Variants in CPA6 observed in about 807,000 individuals in gnomAD.
CPA6 encodes the protein carboxypeptidase A6, also known as carboxypeptidase B.
Under a neutral mutation model 63.3 loss-of-function variants are expected in CPA6, and 58 were observed. The ratio of observed to expected loss-of-function variants is 0.92; its 90% CI spans 0.74 to 1.14. The LOEUF is 1.14. Ranked by LOEUF, CPA6 falls within the 50% of genes most tolerant of loss-of-function variation. The pLI, the probability that CPA6 is intolerant of heterozygous loss-of-function variation, is 0.00. For missense variants in CPA6, 565 were observed against 526.6 expected (o/e 1.07, Z -0.71); for synonymous variants, 185 against 179.0 (o/e 1.03, Z -0.27).
At chr8:67,470,264 A>G (rs2128958817) in intron 8 of CPA6, among the ~76,000 whole-genome samples, 1 of 152,140 alleles carries the variant, frequency 6.6e-6, no homozygotes, top group Admixed American at 6.5e-5. Flanking sequence ...TCCTGACCTC[A>G]TGTGATCCAC....
intron 2 of CPA6, among the ~76,000 whole-genome samples, chr8:67,545,579 T>TG (rs1446497357): frequency 1.5e-5 from 2 of 133,080 alleles, no homozygotes; most frequent in African/African-American, 2.5e-5. Flanking sequence ...TTTTTTTTTT[T>TG]TTTTTGAGAT....
At chr8:67,477,683 T>A (rs1289230497) in intron 8 of CPA6, among the ~76,000 whole-genome samples, 1 of 152,166 alleles carries the variant, frequency 6.6e-6, no homozygotes, top group African/African-American at 2.4e-5. Flanking sequence ...TTAGTTGATG[T>A]TTAGTACGCA....
rs377215949 is a variant in CPA6, at chr8:67,422,455, T to A, written c.*49A>T. ...AAAACAATTTCTATCCAGGGCCAAGTAGGCCTTGCTCAGAATCCTATGGCA... is the reference window on the plus strand; with the variant it reads ...AAAACAATTTCTATCCAGGGCCAAGAAGGCCTTGCTCAGAATCCTATGGCA... On this transcript the variant is annotated 3_prime_UTR_variant, in exon 11 of 11. Coordinates refer to ENST00000297770, the MANE Select transcript of CPA6 (RefSeq NM_020361.5). 6 of 1,519,782 alleles carry A rather than the reference T, an allele frequency of 3.9e-6. No individual in the cohort carries two copies. The Admixed American group carries it at 7.3e-5, about 18-fold the overall frequency. 94.1% of individuals were successfully genotyped at this position (1,519,782 alleles called of 1,614,324 possible). A position where few individuals can be genotyped will look rare whatever the true frequency, so the allele number is the denominator to read the frequency against.
At chr8:67,498,876 C>A (rs547271605) in intron 6 of CPA6, among the ~76,000 whole-genome samples, 1 of 152,146 alleles carries the variant, frequency 6.6e-6, no homozygotes, top group South Asian at 2.1e-4. Flanking sequence ...GTAGCATGTA[C>A]TGCAAACAGA....
intron 6 of CPA6, among the ~76,000 whole-genome samples, chr8:67,493,608 C>T (rs146893714): frequency 8.0e-4 from 122 of 152,282 alleles, no homozygotes; most frequent in African/African-American, 2.8e-3. Context: ...GATGTTGGCA[C>T]TAGGACTAGC....
chr8:67,729,179 TG>T (rs1817659877), intron 1 of CPA6, among the ~76,000 whole-genome samples: 1 of 152,188 alleles, frequency 6.6e-6, no homozygotes, highest in African/African-American at 2.4e-5. Context: ...CAGCTGAATC[TG>T]CATTGTCAAT....
intron 1 of CPA6, among the ~76,000 whole-genome samples, chr8:67,732,088 C>G (rs1342505447): frequency 6.6e-6 from 1 of 152,144 alleles, no homozygotes; most frequent in Admixed American, 6.5e-5. Context: ...AAGCAGAATG[C>G]CGGTCCAGTC....
chr8:67,443,209 C>T (rs1157834753), intron 8 of CPA6, among the ~76,000 whole-genome samples: 1 of 151,964 alleles, frequency 6.6e-6, no homozygotes, highest in Non-Finnish European at 1.5e-5. Flanking sequence ...ATTAGGTGCG[C>T]ACCACCATGC....
At chr8:67,494,262 A>G (rs1361466155) in intron 6 of CPA6, among the ~76,000 whole-genome samples, 1 of 152,064 alleles carries the variant, frequency 6.6e-6, no homozygotes, top group African/African-American at 2.4e-5. Context: ...ATTAAATACT[A>G]TACTAAAATA....
chr8:67,471,558 T>C (rs1386265627), intron 8 of CPA6, among the ~76,000 whole-genome samples: 2 of 152,182 alleles, frequency 1.3e-5, no homozygotes, highest in African/African-American at 2.4e-5. Flanking sequence ...TTCTGTGTTC[T>C]ATAGTTCACT....
chr8:67,608,731 C>T (rs892335694), intron 2 of CPA6, among the ~76,000 whole-genome samples: 38 of 152,190 alleles, frequency 2.5e-4, no homozygotes, highest in African/African-American at 7.2e-4. Context: ...AGCCCAACAG[C>T]GCTCACCCCA....
chr8:67,694,696 T>C (rs10110898), intron 1 of CPA6, among the ~76,000 whole-genome samples: 14,389 of 152,226 alleles, frequency 0.095, 1,285 homozygotes, highest in African/African-American at 0.23. Context: ...AAGAGAAGAC[T>C]AGGGCCTGGT....
intron 1 of CPA6, among the ~76,000 whole-genome samples, chr8:67,689,313 C>T (rs1816770868): frequency 6.6e-6 from 1 of 152,042 alleles, no homozygotes. Flanking sequence ...AGTGGGTACA[C>T]ATGCAGGTGT....
At chr8:67,571,149 C>T (rs2128976371) in intron 2 of CPA6, among the ~76,000 whole-genome samples, 1 of 152,196 alleles carries the variant, frequency 6.6e-6, no homozygotes, top group African/African-American at 2.4e-5. Flanking sequence ...ATCAAGAGGA[C>T]ATAAAAATTA....
chr8:67,544,436 A>T (rs928357127), intron 2 of CPA6, among the ~76,000 whole-genome samples: 5 of 152,184 alleles, frequency 3.3e-5, no homozygotes, highest in Admixed American at 6.5e-5. Flanking sequence ...CAGCAAACAG[A>T]GCACTGAATT....
At chr8:67,685,665 T>C (rs1320769660) in intron 1 of CPA6, among the ~76,000 whole-genome samples, 1 of 152,176 alleles carries the variant, frequency 6.6e-6, no homozygotes, top group Non-Finnish European at 1.5e-5. Context: ...CTAACCACTG[T>C]GGTGTTATAA....
intron 8 of CPA6, among the ~76,000 whole-genome samples, chr8:67,440,294 G>T (rs1178716280): frequency 6.6e-6 from 1 of 152,112 alleles, no homozygotes; most frequent in Non-Finnish European, 1.5e-5. Flanking sequence ...TCTGAGGCCA[G>T]GTATGGTGAC....
intron 1 of CPA6, among the ~76,000 whole-genome samples, chr8:67,743,174 G>T (rs1210955299): frequency 6.6e-6 from 1 of 152,126 alleles, no homozygotes; most frequent in South Asian, 2.1e-4. Context: ...AATCGAAGTC[G>T]TTATTTTCCA....
At chr8:67,732,022 T>C (rs2129003082) in intron 1 of CPA6, among the ~76,000 whole-genome samples, 1 of 152,128 alleles carries the variant, frequency 6.6e-6, no homozygotes, top group East Asian at 1.9e-4. Context: ...GACCAGCTGG[T>C]GCCCATTCTA....
Sources: gnomAD v4.1 joint callset for allele counts (sites outside exome capture counted in the v4.1 genomes callset) on GRCh38, gnomAD v4.1.1 for gene constraint, MANE v1.5 for transcripts, NCBI Gene and HGNC (gene_info 2026-07-23, HGNC 2026-07-21) for gene names.